Variants in TUT4 observed in about 807,000 individuals in gnomAD.
The protein encoded by TUT4 is terminal uridylyl transferase 4.
Under a neutral mutation model 192.2 loss-of-function variants are expected in TUT4, and 36 were observed. The ratio of observed to expected loss-of-function variants is 0.19; its 90% CI spans 0.14 to 0.25. TUT4 has a LOEUF of 0.25. Ranked by LOEUF, TUT4 falls within the 10% of genes least tolerant of loss-of-function variation. TUT4 has a pLI of 1.00. For synonymous variants in TUT4, 618 were observed against 666.0 expected, an observed-to-expected ratio of 0.93 and a Z score of 1.11; for missense variants, 1,493 against 1,957.2, an observed-to-expected ratio of 0.76 and a Z score of 4.47.
chr1:52,532,470 C>T (rs1463695446), intron 1 of TUT4, among the ~76,000 whole-genome samples: 1 of 151,784 alleles, frequency 6.6e-6, no homozygotes, highest in African/African-American at 2.4e-5. Context: ...ACGACCACAC[C>T]TGGCAATTTT....
intron 24 of TUT4, among the ~76,000 whole-genome samples, chr1:52,440,659 A>G (rs1420839751): frequency 1.1e-4 from 16 of 152,096 alleles, no homozygotes; most frequent in Admixed American, 9.2e-4. Flanking sequence ...CTATTGCTGA[A>G]TATCTCTTGA....
intron 1 of TUT4, among the ~76,000 whole-genome samples, chr1:52,536,769 A>T (rs943526514): frequency 3.0e-4 from 45 of 151,228 alleles, no homozygotes; most frequent in African/African-American, 9.5e-4. Flanking sequence ...CAGGAGAATC[A>T]CTTGAACCCA....
In TUT4 at chr1:52,446,695, A is replaced by C. The variant is rs1428279287; in HGVS notation, c.3436-28T>G. 3 of 1,554,046 alleles carry C rather than the reference A, an allele frequency of 1.9e-6. No homozygotes were observed. The African/African-American group carries it at 4.1e-5, about 21-fold the overall frequency. On this transcript the variant is annotated intron_variant, in intron 20 of 29. Coordinates refer to ENST00000257177, the MANE Select transcript of TUT4 (RefSeq NM_001009881.3). ...GCATAAAAAAATTAATTGTATTATTAGATTTCAAGTGATCCAACCCAAAGG... is the reference window on the plus strand; with the variant it reads ...GCATAAAAAAATTAATTGTATTATTCGATTTCAAGTGATCCAACCCAAAGG...
upstream of TUT4, chr1:52,553,448 A>G (rs1188572766): frequency 4.1e-5 from 6 of 147,996 alleles, no homozygotes; most frequent in African/African-American, 1.5e-4. Flanking sequence ...CGCGGAGGGA[A>G]GGGAGCGCGC....
rs867377575 is a variant in TUT4, at chr1:52,461,486, A to G, written c.3231+27T>C. 5.7e-6 allele frequency: 9 copies of G among 1,585,860 alleles called. No individual in the cohort carries two copies. The African/African-American group carries it at 9.4e-5, about 17-fold the overall frequency. On this transcript the variant is annotated intron_variant, in intron 18 of 29. Transcript: ENST00000257177. Reference sequence around the variant, plus strand: ...TGTAAACTTTTAAAATGAAAAGTATATACATGGCCTATAAAGATAAACTTA... The same window carrying G: ...TGTAAACTTTTAAAATGAAAAGTATGTACATGGCCTATAAAGATAAACTTA...
intron 20 of TUT4, among the ~76,000 whole-genome samples, chr1:52,452,360 C>T (rs890439147): frequency 3.3e-5 from 5 of 152,168 alleles, no homozygotes; most frequent in African/African-American, 1.2e-4. Flanking sequence ...TTGGAATCTC[C>T]AAAGAGAAGT....
intron 1 of TUT4, among the ~76,000 whole-genome samples, chr1:52,549,304 T>A (rs1383882191): frequency 1.3e-5 from 2 of 152,192 alleles, no homozygotes; most frequent in Admixed American, 1.3e-4. Context: ...CTACTTCCAA[T>A]CATTTATCTC....
At chr1:52,441,930 A>G (rs956225405) in intron 24 of TUT4, among the ~76,000 whole-genome samples, 2 of 152,036 alleles carry the variant, frequency 1.3e-5, no homozygotes, top group African/African-American at 4.8e-5. Flanking sequence ...GCATTTTGGG[A>G]GGCCGAGGCG....
chr1:52,526,162 T>G lies in TUT4; in HGVS notation c.119A>C (p.Lys40Thr). Residue 40 changes from lysine (K) to threonine (T), a missense_variant, in exon 2 of 30, where the codon AAA becomes ACA. By Grantham distance (78) the Lys-to-Thr change is moderately conservative. Coordinates refer to ENST00000257177, the MANE Select transcript of TUT4 (RefSeq NM_001009881.3). ...GNQTLKARNDKSVKEIENSSP... is the reference protein window; with the variant it reads ...GNQTLKARNDTSVKEIENSSP... ...GCTGTTCTCAATTTCTTTTACGGATTTATCATTTCTAGCTTTCAATGTTTG... is the reference window on the plus strand; with the variant it reads ...GCTGTTCTCAATTTCTTTTACGGATGTATCATTTCTAGCTTTCAATGTTTG... The G allele has an allele frequency of 6.2e-7, 1 of 1,612,624 alleles. No homozygotes were observed. Among genetic ancestry groups the G allele is most frequent in the Non-Finnish European group, 8.5e-7 (1 of 1,179,870 alleles).
At chr1:52,474,746 C>A in intron 13 of TUT4, 86 bp downstream of exon 13, 1 of 1,159,288 alleles carries the variant, frequency 8.6e-7, no homozygotes, top group Non-Finnish European at 1.2e-6. Flanking sequence ...CTTTATATAG[C>A]TATTTTTACA....
rs1431199414 is a variant in TUT4, at chr1:52,490,767, A to C, written c.1353T>G (p.Ala451=). The C allele has an allele frequency of 1.2e-6, 2 of 1,612,846 alleles. No individual in the cohort carries two copies. Among genetic ancestry groups the C allele is most frequent in the Non-Finnish European group, 1.7e-6 (2 of 1,179,580 alleles). The change falls in exon 8 of 30, where the codon GCT becomes GCG. Residue 451 remains alanine (A), a synonymous_variant. Coordinates refer to ENST00000257177, the MANE Select transcript of TUT4 (RefSeq NM_001009881.3). ...CTCTGCACACCACAACAGGAACTTT[A>C]GCGTGAAAATCAGATTCCACATCTA... ...LYVDVESDFH[A]KVPVVVCRDR...
At chr1:52,449,595 T>C (rs1658744286) in intron 20 of TUT4, among the ~76,000 whole-genome samples, 1 of 152,182 alleles carries the variant, frequency 6.6e-6, no homozygotes, top group Admixed American at 6.5e-5. Flanking sequence ...CCACTGCGAC[T>C]GGCCTAACTT....
intron 2 of TUT4, among the ~76,000 whole-genome samples, chr1:52,522,333 G>A (rs953516935): frequency 2.0e-5 from 3 of 152,182 alleles, no homozygotes; most frequent in African/African-American, 7.2e-5. Flanking sequence ...ATGTTAACAA[G>A]TAAAAACTGC....
intron 28 of TUT4, among the ~76,000 whole-genome samples, chr1:52,426,432 G>A (rs1162658600): frequency 1.3e-5 from 2 of 152,026 alleles, no homozygotes; most frequent in Non-Finnish European, 2.9e-5. Flanking sequence ...TTATATTCTG[G>A]ATCATTCTGG....
At chr1:52,452,604 C>CGG (rs1659758594) in intron 20 of TUT4, among the ~76,000 whole-genome samples, 1 of 152,318 alleles carries the variant, frequency 6.6e-6, no homozygotes, top group East Asian at 1.9e-4. Context: ...CCAAAGGTCT[C>CGG]GGTCCAAATA....
intron 24 of TUT4, among the ~76,000 whole-genome samples, chr1:52,438,759 G>A (rs1205549275): frequency 6.6e-6 from 1 of 152,132 alleles, no homozygotes; most frequent in African/African-American, 2.4e-5. Flanking sequence ...TTCTGGAAAG[G>A]AATTATTCTC....
chr1:52,443,975 T>G (rs892274663), intron 24 of TUT4, among the ~76,000 whole-genome samples: 1 of 152,176 alleles, frequency 6.6e-6, no homozygotes, highest in Non-Finnish European at 1.5e-5. Context: ...CGGTGGCTCA[T>G]GCCTGCAATC....
intron 11 of TUT4, among the ~76,000 whole-genome samples, chr1:52,479,023 G>C (rs1285466921): frequency 6.6e-6 from 1 of 152,114 alleles, no homozygotes; most frequent in East Asian, 1.9e-4. Context: ...ACGCTAAAAA[G>C]GATGGGAGTG....
chr1:52,516,188 T>A (rs985260274), intron 2 of TUT4, 134 bp from the exon 3 acceptor site: 1 of 718,880 alleles, frequency 1.4e-6, no homozygotes, highest in Non-Finnish European at 2.2e-6. Flanking sequence ...AGTATACAAG[T>A]TGGTATGCAT....
Sources: gnomAD v4.1 joint callset for allele counts (sites outside exome capture counted in the v4.1 genomes callset) on GRCh38, gnomAD v4.1.1 for gene constraint, MANE v1.5 for transcripts, NCBI Gene and HGNC (gene_info 2026-07-23, HGNC 2026-07-21) for gene names.